Variants in LRMDA observed in about 807,000 individuals in gnomAD.
LRMDA encodes the protein leucine rich melanocyte differentiation associated.
A neutral mutation model predicts 29.8 loss-of-function variants in LRMDA; 18 were observed. The ratio of observed to expected loss-of-function variants is 0.60; its 90% CI spans 0.42 to 0.90. The LOEUF is 0.90. Ranked by LOEUF, LRMDA falls within the 40% of genes least tolerant of loss-of-function variation. The pLI, the probability that LRMDA is intolerant of heterozygous loss-of-function variation, is 0.00. For missense variants in LRMDA, 273 were observed against 273.9 expected, an observed-to-expected ratio of 1.00 and a Z score of 0.02; for synonymous variants, 125 against 109.4, an observed-to-expected ratio of 1.14 and a Z score of -0.89.
chr10:75,780,493 C>G (rs765289711), intron 2 of LRMDA, among the ~76,000 whole-genome samples: 1 of 152,128 alleles, frequency 6.6e-6, no homozygotes, highest in Non-Finnish European at 1.5e-5. Context: ...ATCAGGGAGA[C>G]CACAGGATCA....
chr10:76,306,851 A>G (rs908420380), intron 5 of LRMDA, among the ~76,000 whole-genome samples: 11 of 152,226 alleles, frequency 7.2e-5, no homozygotes, highest in Non-Finnish European at 1.3e-4. Context: ...CAAAATGTGT[A>G]TGATGTCTCA....
intron 1 of LRMDA, among the ~76,000 whole-genome samples, chr10:75,432,258 A>G (rs955878806): frequency 6.6e-6 from 1 of 152,260 alleles, no homozygotes; most frequent in Non-Finnish European, 1.5e-5. Context: ...AAGTCCCAGC[A>G]CATCCCTGGA....
At chr10:76,355,773 A>G (rs2132437738) in intron 6 of LRMDA, among the ~76,000 whole-genome samples, 1 of 152,304 alleles carries the variant, frequency 6.6e-6, no homozygotes, top group East Asian at 1.9e-4. Context: ...ATTGTGAAAG[A>G]AAGGGACGTT....
At chr10:76,155,721 G>T (rs111830639) in intron 5 of LRMDA, among the ~76,000 whole-genome samples, 3 of 152,130 alleles carry the variant, frequency 2.0e-5, no homozygotes, top group African/African-American at 2.4e-5. Flanking sequence ...TTGTTTAAGC[G>T]CCTAAACTTT....
chr10:76,447,529 T>A (rs1165128231), intron 6 of LRMDA, among the ~76,000 whole-genome samples: 1 of 152,176 alleles, frequency 6.6e-6, no homozygotes, highest in Non-Finnish European at 1.5e-5. Context: ...TCCATGTGGC[T>A]CCCTGAGAAT....
At chr10:76,428,630 T>A (rs1189209691) in intron 6 of LRMDA, among the ~76,000 whole-genome samples, 1 of 152,104 alleles carries the variant, frequency 6.6e-6, no homozygotes, top group African/African-American at 2.4e-5. Flanking sequence ...TCTTGGCCTC[T>A]CCCTATGAGA....
intron 2 of LRMDA, among the ~76,000 whole-genome samples, chr10:75,772,738 T>C (rs2132236108): frequency 6.6e-6 from 1 of 152,302 alleles, no homozygotes; most frequent in Non-Finnish European, 1.5e-5. Context: ...CAAAATGTAC[T>C]GGCTTTCAAT....
intron 5 of LRMDA, among the ~76,000 whole-genome samples, chr10:76,286,789 T>C (rs1268542963): frequency 6.6e-6 from 1 of 152,178 alleles, no homozygotes; most frequent in Non-Finnish European, 1.5e-5. Flanking sequence ...AAAGGATTTG[T>C]TTATTCAGAT....
In LRMDA at chr10:75,516,645, T is replaced by G. The variant is rs140303607; in HGVS notation, c.131+78151T>G. Among the ~76,000 whole-genome samples, 930 of 152,260 alleles carry G rather than the reference T, an allele frequency of 6.1e-3. 18 individuals are homozygous for G. The highest frequency in any genetic ancestry group is 0.021 in the African/African-American group (882 of 41,512). On this transcript the variant is annotated intron_variant, in intron 2 of 6. Coordinates refer to ENST00000611255, the MANE Select transcript of LRMDA (RefSeq NM_001305581.2). ...ATTGCAGAAATTTTCTCCCATTCTA[T>G]AGGTTGCCTGTTCACTCTGATGGTA...
At chr10:75,964,334 G>C (rs1004447059) in intron 2 of LRMDA, among the ~76,000 whole-genome samples, 2 of 149,362 alleles carry the variant, frequency 1.3e-5, no homozygotes, top group African/African-American at 5.2e-5. Context: ...GAGACAGATT[G>C]GGGGGTCAAG....
At chr10:75,694,688 T>C (rs1036463978) in intron 2 of LRMDA, among the ~76,000 whole-genome samples, 1 of 152,094 alleles carries the variant, frequency 6.6e-6, no homozygotes, top group African/African-American at 2.4e-5. Flanking sequence ...CAAATAACAA[T>C]AGAAGCAGCG....
At chr10:76,524,702 T>TAATTAC in intron 6 of LRMDA, among the ~76,000 whole-genome samples, 1 of 152,220 alleles carries the variant, frequency 6.6e-6, no homozygotes, top group African/African-American at 2.4e-5. Flanking sequence ...CTTAATTACT[T>TAATTAC]TTCAAGTCAA....
chr10:76,159,917 G>T (rs1850612664), intron 5 of LRMDA, among the ~76,000 whole-genome samples: 1 of 152,044 alleles, frequency 6.6e-6, no homozygotes, highest in Non-Finnish European at 1.5e-5. Flanking sequence ...GATTTGGGGG[G>T]CAGTAAAAAT....
intron 2 of LRMDA, among the ~76,000 whole-genome samples, chr10:75,679,335 CAG>C (rs1440205570): frequency 6.6e-6 from 1 of 152,128 alleles, no homozygotes; most frequent in Non-Finnish European, 1.5e-5. Flanking sequence ...CCTGCGACCT[CAG>C]AGAGTAGGCA....
At chr10:75,649,386 A>C (rs1841569120) in intron 2 of LRMDA, among the ~76,000 whole-genome samples, 1 of 152,154 alleles carries the variant, frequency 6.6e-6, no homozygotes, top group Non-Finnish European at 1.5e-5. Flanking sequence ...CCTTTTGGCT[A>C]TTGTGCTTTC....
intron 6 of LRMDA, among the ~76,000 whole-genome samples, chr10:76,531,714 C>T (rs1196422452): frequency 1.3e-5 from 2 of 152,134 alleles, no homozygotes; most frequent in Non-Finnish European, 2.9e-5. Context: ...TTTGCATGCA[C>T]ATTCATGAGG....
At chr10:75,529,500 C>T (rs181077129) in intron 2 of LRMDA, among the ~76,000 whole-genome samples, 91 of 152,226 alleles carry the variant, frequency 6.0e-4, no homozygotes, top group African/African-American at 1.9e-3. Flanking sequence ...GAGATGTTCT[C>T]ATTAGAGGGA....
chr10:75,530,899 T>C (rs1322913908), intron 2 of LRMDA, among the ~76,000 whole-genome samples: 1 of 152,222 alleles, frequency 6.6e-6, no homozygotes, highest in Non-Finnish European at 1.5e-5. Context: ...CTGTTGTCTA[T>C]AGTTCCGGCA....
chr10:76,460,773 A>G (rs541700101), intron 6 of LRMDA, among the ~76,000 whole-genome samples: 253 of 152,286 alleles, frequency 1.7e-3, no homozygotes, highest in African/African-American at 5.7e-3. Flanking sequence ...CCTCTAAGGA[A>G]AGTTCTTTCC....
Sources: allele counts gnomAD v4.1 joint callset (sites outside exome capture counted in the v4.1 genomes callset), GRCh38; gene constraint gnomAD v4.1.1; transcripts MANE v1.5; gene names NCBI Gene and HGNC (gene_info 2026-07-23, HGNC 2026-07-21).